The following MACROD2 variants were observed in gnomAD, a reference collection of about 807,000 sequenced individuals.
The protein encoded by MACROD2 is ADP-ribose glycohydrolase MACROD2.
In MACROD2, 36 loss-of-function variants were observed where a neutral mutation model predicts 70.4. The ratio of observed to expected loss-of-function variants is 0.51; its 90% CI spans 0.39 to 0.68. The LOEUF is 0.68. Among genes scored for constraint, MACROD2 ranks in the 30% least tolerant of loss-of-function variants. The pLI, the probability that MACROD2 is intolerant of heterozygous loss-of-function variation, is 0.00. For missense variants in MACROD2, 496 were observed against 538.4 expected (o/e 0.92, Z 0.78); for synonymous variants, 172 against 178.8 (o/e 0.96, Z 0.30).
At chr20:14,369,891 C>T (rs1281649954) in intron 3 of MACROD2, among the ~76,000 whole-genome samples, 3 of 152,104 alleles carry the variant, frequency 2.0e-5, no homozygotes, top group Non-Finnish European at 4.4e-5. Flanking sequence ...AGCAAAAATG[C>T]AATTTCAAAA....
At chr20:14,391,465 A>G (rs1282339612) in intron 3 of MACROD2, among the ~76,000 whole-genome samples, 2 of 152,076 alleles carry the variant, frequency 1.3e-5, no homozygotes, top group Middle Eastern at 3.4e-3. Flanking sequence ...CACTGGGGCT[A>G]ATCAGAAGCT....
intron 3 of MACROD2, among the ~76,000 whole-genome samples, chr20:14,126,945 C>A (rs11698971): frequency 0.027 from 4,036 of 152,250 alleles, 53 homozygotes; most frequent in Non-Finnish European, 0.032. Flanking sequence ...CAATTAATAA[C>A]CCTGCAGTGG....
At chr20:15,247,311 C>A (rs2077114779) in intron 6 of MACROD2, among the ~76,000 whole-genome samples, 1 of 152,082 alleles carries the variant, frequency 6.6e-6, no homozygotes, top group African/African-American at 2.4e-5. Flanking sequence ...GGAATCCATG[C>A]CATTGCATGG....
At chr20:14,610,585 A>G (rs546141056) in intron 4 of MACROD2, among the ~76,000 whole-genome samples, 3 of 152,220 alleles carry the variant, frequency 2.0e-5, no homozygotes, top group Non-Finnish European at 4.4e-5. Flanking sequence ...ATGAGTAAGT[A>G]TAGTGTTTGC....
intron 5 of MACROD2, among the ~76,000 whole-genome samples, chr20:14,716,461 C>A (rs2071398157): frequency 6.6e-6 from 1 of 152,124 alleles, no homozygotes; most frequent in African/African-American, 2.4e-5. Context: ...CCCCATACTG[C>A]GCTCCAGCCA....
intron 3 of MACROD2, among the ~76,000 whole-genome samples, chr20:14,411,618 T>A (rs999562331): frequency 1.1e-4 from 17 of 152,128 alleles, no homozygotes; most frequent in African/African-American, 4.1e-4. Flanking sequence ...AGTATCACAG[T>A]CACTAAGTTT....
rs555120173 is a variant in MACROD2, at chr20:14,813,487, G to A, written c.418+128528G>A. Among the ~76,000 whole-genome samples, 20 of 152,148 alleles carry A rather than the reference G, an allele frequency of 1.3e-4. No individual in the cohort carries two copies. The South Asian group carries it at 1.5e-3, about 11-fold the overall frequency. On this transcript the variant is annotated intron_variant, in intron 5 of 17. Transcript: ENST00000684519. ...CTGTTTCCTGCATTAGTTTGCTGAG[G>A]ATAATGGCTTCTAGATTCATCCATG...
intron 5 of MACROD2, among the ~76,000 whole-genome samples, chr20:14,872,887 C>T (rs970709418): frequency 6.6e-6 from 1 of 152,038 alleles, no homozygotes; most frequent in African/African-American, 2.4e-5. Context: ...AAGCAAGGTA[C>T]CTTCTTTACA....
chr20:15,457,784 C>G (rs2046748008), intron 7 of MACROD2, among the ~76,000 whole-genome samples: 1 of 151,912 alleles, frequency 6.6e-6, no homozygotes, highest in Admixed American at 6.6e-5. Flanking sequence ...TAGGAGATGC[C>G]TGGTGTCCTA....
In MACROD2 at chr20:16,053,040, G is replaced by A. The variant is rs539757252; in HGVS notation, c.*3164G>A. On this transcript the variant is annotated 3_prime_UTR_variant, in exon 18 of 18. Coordinates refer to ENST00000684519, the MANE Select transcript of MACROD2 (RefSeq NM_001351661.2). ...TATAAACTGCTAAATAGGATAATAC[G>A]TGCCTCTTTTGTTAAACCGGCATTT... 2.6e-5 allele frequency: 4 copies of A among 152,624 alleles called. No individual in the cohort carries two copies. Among genetic ancestry groups the A allele is most frequent in the East Asian group, 3.9e-4 (2 of 5,174 alleles). 9.5% of individuals were successfully genotyped at this position (152,624 alleles called of 1,614,324 possible).
chr20:14,233,719 G>C (rs56703997), intron 3 of MACROD2, among the ~76,000 whole-genome samples: 1 of 74,922 alleles, frequency 1.3e-5, no homozygotes, highest in Non-Finnish European at 2.9e-5. Flanking sequence ...AAAAAGAAAA[G>C]AAAAGAAAAG....
intron 6 of MACROD2, among the ~76,000 whole-genome samples, chr20:15,294,582 C>A (rs566556327): frequency 6.6e-6 from 1 of 152,346 alleles, no homozygotes; most frequent in Admixed American, 6.5e-5. Flanking sequence ...CACCTTTTCA[C>A]CTGTAATCCA....
chr20:14,813,644 G>A (rs970866007), intron 5 of MACROD2, among the ~76,000 whole-genome samples: 1 of 152,016 alleles, frequency 6.6e-6, no homozygotes, highest in African/African-American at 2.4e-5. Flanking sequence ...GGTGCTCAGG[G>A]CAAGGCATGT....
At chr20:15,998,387 T>G (rs2066661146) in intron 15 of MACROD2, among the ~76,000 whole-genome samples, 1 of 152,192 alleles carries the variant, frequency 6.6e-6, no homozygotes. Flanking sequence ...ATATTCTGTT[T>G]CTTCGTGATT....
intron 4 of MACROD2, among the ~76,000 whole-genome samples, chr20:14,621,443 T>C (rs1983819622): frequency 6.6e-6 from 1 of 152,124 alleles, no homozygotes; most frequent in South Asian, 2.1e-4. Flanking sequence ...GATCTCCTTT[T>C]TAAAAAATGG....
intron 4 of MACROD2, among the ~76,000 whole-genome samples, chr20:14,498,819 C>T (rs1031795104): frequency 6.6e-6 from 1 of 152,222 alleles, no homozygotes; most frequent in African/African-American, 2.4e-5. Flanking sequence ...AGCGCCCTCT[C>T]ACCTCCCTCC....
At chr20:15,616,591 C>T (rs1367046895) in intron 8 of MACROD2, among the ~76,000 whole-genome samples, 1 of 152,174 alleles carries the variant, frequency 6.6e-6, no homozygotes, top group East Asian at 1.9e-4. Context: ...CATGACTGCT[C>T]TGTCTGCCCT....
intron 2 of MACROD2, chr20:14,051,891 A>G (rs532002940): frequency 9.7e-6 from 5 of 516,686 alleles, no homozygotes; most frequent in East Asian, 1.1e-4. Flanking sequence ...CACATCTACT[A>G]TAAACTTCTG....
intron 8 of MACROD2, among the ~76,000 whole-genome samples, chr20:15,665,158 G>C (rs957235515): frequency 6.6e-6 from 1 of 152,154 alleles, no homozygotes; most frequent in African/African-American, 2.4e-5. Context: ...AGTGCTGTCT[G>C]TTTTGCTTCT....
Sources: allele counts gnomAD v4.1 joint callset (sites outside exome capture counted in the v4.1 genomes callset), GRCh38; gene constraint gnomAD v4.1.1; transcripts MANE v1.5; gene names NCBI Gene and HGNC (gene_info 2026-07-23, HGNC 2026-07-21).